Variants in SLIT1 observed in about 807,000 individuals in gnomAD.
SLIT1 encodes slit guidance ligand 1, also known as slit homolog 1 protein.
In SLIT1, 66 loss-of-function variants were observed where a neutral mutation model predicts 186.1. That is an observed-to-expected ratio of 0.35 (90% CI 0.29 to 0.44). The LOEUF (loss-of-function observed/expected upper bound fraction) is 0.44, where lower values mean the gene tolerates loss of function less well. Ranked by LOEUF, SLIT1 falls within the 20% of genes least tolerant of loss-of-function variation. SLIT1 has a pLI of 1.00. For synonymous variants in SLIT1, 761 were observed against 833.8 expected (o/e 0.91, Z 1.50); for missense variants, 1,638 against 2,037.4 (o/e 0.80, Z 3.77).
intron 4 of SLIT1, among the ~76,000 whole-genome samples, chr10:97,128,226 C>T (rs756240890): frequency 3.9e-5 from 6 of 152,132 alleles, no homozygotes; most frequent in African/African-American, 9.7e-5. Flanking sequence ...GGGCCCTGTC[C>T]CTCCCCTTCC....
chr10:97,129,222 C>T (rs924172138), intron 4 of SLIT1, among the ~76,000 whole-genome samples: 2 of 151,900 alleles, frequency 1.3e-5, no homozygotes, highest in East Asian at 3.9e-4. Context: ...AGCAACATAG[C>T]GAAACCCCGT....
intron 11 of SLIT1, 69 bp from the exon 12 acceptor site, chr10:97,057,350 C>A: frequency 7.6e-7 from 1 of 1,323,466 alleles, no homozygotes; most frequent in Non-Finnish European, 1.1e-6. Context: ...ACTCTGCAGA[C>A]GGCCCCAGCT....
chr10:97,146,013 G>A (rs1849813663), intron 4 of SLIT1, among the ~76,000 whole-genome samples: 1 of 152,098 alleles, frequency 6.6e-6, no homozygotes, highest in African/African-American at 2.4e-5. Context: ...CTATTATATT[G>A]GTTAATAATG....
At chr10:97,162,878 C>G (rs1850048510) in intron 3 of SLIT1, among the ~76,000 whole-genome samples, 1 of 151,758 alleles carries the variant, frequency 6.6e-6, no homozygotes, top group Non-Finnish European at 1.5e-5. Context: ...GATCAAGACC[C>G]ATTTTCAAAC....
intron 35 of SLIT1, 24 bp downstream of exon 35, chr10:97,002,680 G>A (rs1848322070): frequency 2.0e-6 from 3 of 1,537,330 alleles, no homozygotes; most frequent in African/African-American, 2.7e-5. Flanking sequence ...AGGGGCAAGG[G>A]CTCCCCCAGT....
intron 23 of SLIT1, among the ~76,000 whole-genome samples, chr10:97,034,234 T>C (rs1344624837): frequency 6.6e-6 from 1 of 152,254 alleles, no homozygotes; most frequent in East Asian, 1.9e-4. Flanking sequence ...AAACTGTATA[T>C]TTATTTTTTT....
chr10:97,166,628 A>AGAAAGAAAGAAAGAAAG (rs1373795152), intron 1 of SLIT1, among the ~76,000 whole-genome samples: 4 of 146,204 alleles, frequency 2.7e-5, no homozygotes, highest in East Asian at 2.0e-4. Context: ...AGAAAGAGAA[A>AGAAAGAAAGAAAGAAAG]AGAAAAGAAA....
At chr10:97,007,351 C>T (rs1434369899) in intron 31 of SLIT1, among the ~76,000 whole-genome samples, 1 of 152,106 alleles carries the variant, frequency 6.6e-6, no homozygotes, top group Non-Finnish European at 1.5e-5. Flanking sequence ...CTGGTGAATT[C>T]TACCAAACAT....
At chr10:97,164,335 G>A (rs74691115) in intron 2 of SLIT1, among the ~76,000 whole-genome samples, 4,062 of 152,274 alleles carry the variant, frequency 0.027, 85 homozygotes, top group Non-Finnish European at 0.039. Context: ...GTTTCCAAAA[G>A]CCTGAAGTGT....
chr10:97,062,861 A>T (rs1848905933), intron 8 of SLIT1, among the ~76,000 whole-genome samples: 1 of 152,200 alleles, frequency 6.6e-6, no homozygotes, highest in Non-Finnish European at 1.5e-5. Context: ...GCTGTAGTAT[A>T]AGCCAGGGGC....
intron 34 of SLIT1, among the ~76,000 whole-genome samples, chr10:97,003,289 G>T (rs1848328916): frequency 6.6e-6 from 1 of 152,240 alleles, no homozygotes; most frequent in African/African-American, 2.4e-5. Flanking sequence ...CCTCGCCAAG[G>T]CGCCTTCTCT....
intron 4 of SLIT1, among the ~76,000 whole-genome samples, chr10:97,151,013 A>G (rs1463228379): frequency 6.8e-6 from 1 of 147,604 alleles, no homozygotes; most frequent in African/African-American, 2.5e-5. Flanking sequence ...CGCCGGAAGG[A>G]GATATAGGTC....
chr10:97,122,611 C>T (rs770502810), intron 4 of SLIT1, among the ~76,000 whole-genome samples: 1 of 152,162 alleles, frequency 6.6e-6, no homozygotes, highest in Non-Finnish European at 1.5e-5. Flanking sequence ...CAGGGAGGTA[C>T]ATACTCCGGG....
At chr10:97,109,165 A>G (rs1436690362) in intron 4 of SLIT1, among the ~76,000 whole-genome samples, 1 of 151,928 alleles carries the variant, frequency 6.6e-6, no homozygotes, top group Non-Finnish European at 1.5e-5. Context: ...CCTGGGTAAC[A>G]TAAAGAGACC....
At chr10:97,140,788 C>A (rs1383702642) in intron 4 of SLIT1, among the ~76,000 whole-genome samples, 1 of 152,166 alleles carries the variant, frequency 6.6e-6, no homozygotes, top group Admixed American at 6.5e-5. Flanking sequence ...TCCTGTGTCT[C>A]TTTACAAATC....
At chr10:97,166,323 T>C (rs1008958287) in intron 1 of SLIT1, among the ~76,000 whole-genome samples, 1 of 151,750 alleles carries the variant, frequency 6.6e-6, no homozygotes, top group South Asian at 2.1e-4. Flanking sequence ...GAGACCAGCC[T>C]GGCCAACATG....
chr10:97,022,471 A>G lies in SLIT1; in HGVS notation c.2583-1058T>C, dbSNP rs1175606056. 1.3e-5 allele frequency among the ~76,000 whole-genome samples: 2 copies of G among 152,104 alleles called. No individual in the cohort carries two copies. ...TTGGTATTATGTGAATTTCACCTCAATTTTTTTGAAGGCACATTCCTGTGT... is the reference window on the plus strand; with the variant it reads ...TTGGTATTATGTGAATTTCACCTCAGTTTTTTTGAAGGCACATTCCTGTGT... On this transcript the variant is annotated intron_variant, in intron 25 of 36. Transcript: ENST00000266058. This position sits in a 1 kb window ranked among gnomAD's most constrained non-coding sequence, Gnocchi z 4.2.
At chr10:97,158,080 C>A (rs1404334846) in intron 3 of SLIT1, among the ~76,000 whole-genome samples, 191 bp from the exon 4 acceptor site, 1 of 152,142 alleles carries the variant, frequency 6.6e-6, no homozygotes, top group Non-Finnish European at 1.5e-5. Context: ...ATTCCACCAC[C>A]CAGCACGAGG....
At position 97,018,642 on chromosome 10, in the gene SLIT1, G is replaced by A. The variant is rs144301867; in HGVS notation, c.2913C>T (p.Gly971=). ...CEVSLDSCSS[G]PCENGGTCHA... is the part of the protein sequence containing the mutation. ...GGCAGGTGCCCCCATTTTCACAGGG[G>A]CCACTGGAACAGCTGTCCAGGGACA... Residue 971 remains glycine (G), a synonymous_variant, in exon 28 of 37, where the codon GGC becomes GGT. Coordinates refer to ENST00000266058, the MANE Select transcript of SLIT1 (RefSeq NM_003061.3). 2.3e-5 allele frequency: 36 copies of A among 1,596,348 alleles called. No homozygotes were observed. The African/African-American group carries it at 3.3e-4, about 15-fold the overall frequency.
Sources: gnomAD v4.1 joint callset for allele counts (sites outside exome capture counted in the v4.1 genomes callset) on GRCh38, gnomAD v4.1.1 for gene constraint, Gnocchi (gnomAD v3.1) non-coding constraint, MANE v1.5 for transcripts, NCBI Gene and HGNC (gene_info 2026-07-23, HGNC 2026-07-21) for gene names.